The following EFNA5 variants were observed in gnomAD, a reference collection of about 807,000 sequenced individuals.
The protein encoded by EFNA5 is ephrin-A5.
Under a neutral mutation model 22.9 loss-of-function variants are expected in EFNA5, and 5 were observed. The observed-to-expected ratio is 0.22, with a 90% CI of 0.11 to 0.46. The LOEUF is 0.46. Among genes scored for constraint, EFNA5 ranks in the 20% least tolerant of loss-of-function variants. The pLI is 0.99. For missense variants in EFNA5, 237 were observed against 293.3 expected (o/e 0.81, Z 1.40); for synonymous variants, 113 against 112.2 (o/e 1.01, Z -0.04).
At chr5:107,541,340 CTA>C (rs1445781603) in intron 1 of EFNA5, among the ~76,000 whole-genome samples, 2 of 152,182 alleles carry the variant, frequency 1.3e-5, no homozygotes, top group East Asian at 3.9e-4. Flanking sequence ...TAGCAATTAT[CTA>C]TGTGTTCTTA....
intron 1 of EFNA5, among the ~76,000 whole-genome samples, chr5:107,452,307 G>A (rs531963288): frequency 2.6e-5 from 4 of 151,964 alleles, no homozygotes; most frequent in South Asian, 4.2e-4. Flanking sequence ...AAACCTGTAC[G>A]TTCCGCACAA....
chr5:107,539,004 G>A (rs1747989009), intron 1 of EFNA5, among the ~76,000 whole-genome samples: 2 of 152,208 alleles, frequency 1.3e-5, no homozygotes, highest in Admixed American at 6.5e-5. Flanking sequence ...TTCACAGCTT[G>A]TGAGGCATAA....
At chr5:107,384,613 C>G (rs898814228) in intron 4 of EFNA5, among the ~76,000 whole-genome samples, 2 of 151,904 alleles carry the variant, frequency 1.3e-5, no homozygotes, top group Admixed American at 1.3e-4. Flanking sequence ...TCCAACTAGA[C>G]TTTCTCTCTC....
At chr5:107,595,886 G>C (rs2112508061) in intron 1 of EFNA5, among the ~76,000 whole-genome samples, 1 of 152,156 alleles carries the variant, frequency 6.6e-6, no homozygotes, top group South Asian at 2.1e-4. Flanking sequence ...TACCTATTCA[G>C]AGAAAAAGAT....
intron 1 of EFNA5, among the ~76,000 whole-genome samples, chr5:107,475,115 T>C (rs1750247119): frequency 6.6e-6 from 1 of 152,236 alleles, no homozygotes; most frequent in Non-Finnish European, 1.5e-5. Flanking sequence ...TTACTACTTG[T>C]GGCATTTGTA....
chr5:107,648,272 T>C (rs753492158), intron 1 of EFNA5, among the ~76,000 whole-genome samples: 15 of 152,176 alleles, frequency 9.9e-5, no homozygotes, highest in Non-Finnish European at 1.9e-4. Flanking sequence ...AAGATATGTA[T>C]AAAATTAGTT....
chr5:107,646,042 C>T (rs113834386), intron 1 of EFNA5, among the ~76,000 whole-genome samples: 4 of 152,106 alleles, frequency 2.6e-5, no homozygotes, highest in African/African-American at 9.7e-5. Context: ...TTCCAATTAA[C>T]AAATAAAAAA....
chr5:107,544,928 C>T (rs989101244), intron 1 of EFNA5, among the ~76,000 whole-genome samples: 1 of 152,222 alleles, frequency 6.6e-6, no homozygotes, highest in Non-Finnish European at 1.5e-5. Flanking sequence ...CATTCTTTAA[C>T]TCCCACAATG....
At chr5:107,459,375 TG>T in intron 1 of EFNA5, among the ~76,000 whole-genome samples, 1 of 91,516 alleles carries the variant, frequency 1.1e-5, no homozygotes, top group East Asian at 5.7e-4. Context: ...TTGGAACACA[TG>T]AAAAAAAAAA....
At chr5:107,506,831 A>G (rs1165309780) in intron 1 of EFNA5, among the ~76,000 whole-genome samples, 1 of 152,228 alleles carries the variant, frequency 6.6e-6, no homozygotes, top group African/African-American at 2.4e-5. Flanking sequence ...AAGGAAAAAG[A>G]CAGCTGAAAC....
chr5:107,426,978 C>A, intron 2 of EFNA5: 1 of 463,848 alleles, frequency 2.2e-6, no homozygotes. Context: ...AAATACAAGT[C>A]AGCAGTGGTT....
chr5:107,424,979 A>T (rs1418517684), intron 2 of EFNA5, among the ~76,000 whole-genome samples: 1 of 152,176 alleles, frequency 6.6e-6, no homozygotes, highest in Non-Finnish European at 1.5e-5. Flanking sequence ...TTTGCTGCTA[A>T]TTTTGTGCTA....
chr5:107,637,151 T>C lies in EFNA5; in HGVS notation c.125+33338A>G, dbSNP rs143064462. On this transcript the variant is annotated intron_variant, in intron 1 of 4. Coordinates refer to ENST00000333274, the MANE Select transcript of EFNA5 (RefSeq NM_001962.3). Reference sequence around the variant, plus strand: ...TATAAAGCCAATGACAGTAAATGAGTTCATTATTGGTCACTTTCTTTTGAT... The same window carrying C: ...TATAAAGCCAATGACAGTAAATGAGCTCATTATTGGTCACTTTCTTTTGAT... Among the ~76,000 whole-genome samples, 263 of 152,188 alleles carry C rather than the reference T, an allele frequency of 1.7e-3. 2 individuals carry two copies. The highest frequency in any genetic ancestry group is 6.0e-3 in the African/African-American group (247 of 41,510).
intron 1 of EFNA5, among the ~76,000 whole-genome samples, chr5:107,612,512 A>T (rs553088419): frequency 2.9e-4 from 43 of 147,332 alleles, no homozygotes; most frequent in African/African-American, 1.1e-3. Flanking sequence ...AATGCAATTT[A>T]AAAAAAAAAA....
intron 1 of EFNA5, among the ~76,000 whole-genome samples, chr5:107,588,216 C>A (rs1729231564): frequency 6.6e-6 from 1 of 151,600 alleles, no homozygotes; most frequent in Admixed American, 6.6e-5. Context: ...TTGAAAATAA[C>A]CAGATATTAT....
chr5:107,470,828 C>A (rs1580473716), intron 1 of EFNA5, among the ~76,000 whole-genome samples: 1 of 151,800 alleles, frequency 6.6e-6, no homozygotes, highest in South Asian at 2.1e-4. Flanking sequence ...CCCAGGAGTT[C>A]GAGACCAGCC....
chr5:107,408,854 G>A (rs1748290772), intron 2 of EFNA5, among the ~76,000 whole-genome samples: 3 of 152,154 alleles, frequency 2.0e-5, no homozygotes, highest in Admixed American at 2.0e-4. Context: ...CAATAAGAAA[G>A]AAGATATGCA....
intron 1 of EFNA5, among the ~76,000 whole-genome samples, chr5:107,626,849 C>CAGTGG (rs2112533051): frequency 6.6e-6 from 1 of 152,236 alleles, no homozygotes; most frequent in Non-Finnish European, 1.5e-5. Context: ...TTGACTTTCA[C>CAGTGG]AGTTGGTGGT....
intron 1 of EFNA5, among the ~76,000 whole-genome samples, chr5:107,543,694 T>C (rs1692179685): frequency 7.2e-6 from 1 of 138,292 alleles, no homozygotes; most frequent in Admixed American, 7.5e-5. Context: ...GTGGTGAACA[T>C]GCCAAAGTAT....
Sources: gnomAD v4.1 joint callset for allele counts (sites outside exome capture counted in the v4.1 genomes callset) on GRCh38, gnomAD v4.1.1 for gene constraint, MANE v1.5 for transcripts, NCBI Gene and HGNC (gene_info 2026-07-23, HGNC 2026-07-21) for gene names.